CYP2C19: variants seen among roughly 807,000 people sequenced by gnomAD.
CYP2C19 encodes cytochrome P450 2C19.
A neutral mutation model predicts 40.9 loss-of-function variants in CYP2C19; 59 were observed. The ratio of observed to expected loss-of-function variants is 1.44; its 90% confidence interval spans 1.17 to 1.79. CYP2C19 has a LOEUF of 1.79. Among genes scored for constraint, CYP2C19 ranks in the 40% most tolerant of loss-of-function variants. The probability of loss-of-function intolerance (pLI) is 0.00; values close to 1 mark genes in which losing one functional copy is unlikely to be tolerated. For missense variants in CYP2C19, 754 were observed against 596.9 expected (o/e 1.26, Z -2.74); for synonymous variants, 253 against 208.7 (o/e 1.21, Z -1.83).
chr10:94,804,514 T>C (rs922727143), intron 5 of CYP2C19, among the ~76,000 whole-genome samples: 3 of 152,228 alleles, frequency 2.0e-5, no homozygotes, highest in Admixed American at 6.5e-5. Flanking sequence ...GGAAAATGTG[T>C]GCAGCTTTTC....
chr10:94,780,363 ACT>A, intron 3 of CYP2C19, 134 bp from the exon 4 acceptor site: 1 of 1,133,008 alleles, frequency 8.8e-7, no homozygotes, highest in Non-Finnish European at 1.2e-6. Flanking sequence ...TGCATGCCAA[ACT>A]CTTTTTTGCT....
chr10:94,799,339 C>G lies in CYP2C19; in HGVS notation c.819+17342C>G, dbSNP rs886860731. 2.4e-4 allele frequency among the ~76,000 whole-genome samples: 36 copies of G among 151,784 alleles called. No homozygotes were observed. In the East Asian group the frequency reaches 3.5e-3, roughly 15 times the overall value. The stretch of plus-strand genomic sequence containing the variant: ...AATGTCAAATATTGGCCCTCACTCT[C>G]TTTTGGCTTGTATGGTTTCTGCTGA... On this transcript the variant is annotated intron_variant, in intron 5 of 8. Coordinates refer to ENST00000371321, the MANE Select transcript of CYP2C19 (RefSeq NM_000769.4).
At chr10:94,801,208 A>T (rs1236130265) in intron 5 of CYP2C19, among the ~76,000 whole-genome samples, 1 of 152,158 alleles carries the variant, frequency 6.6e-6, no homozygotes, top group Non-Finnish European at 1.5e-5. Flanking sequence ...TAGATCTTTC[A>T]TGCTTTCTCT....
chr10:94,832,131 T>A (rs940423761), intron 6 of CYP2C19, among the ~76,000 whole-genome samples: 6 of 152,192 alleles, frequency 3.9e-5, no homozygotes, highest in Non-Finnish European at 8.8e-5. Flanking sequence ...GGATATTAAA[T>A]TTTCCCAGCA....
intron 1 of CYP2C19, among the ~76,000 whole-genome samples, chr10:94,763,620 T>C (rs1250897579): frequency 2.0e-5 from 3 of 151,914 alleles, no homozygotes; most frequent in Non-Finnish European, 4.4e-5. Flanking sequence ...ATAAGCATGA[T>C]GGTATGATCA....
chr10:94,835,111 T>A (rs1309723911), intron 6 of CYP2C19, among the ~76,000 whole-genome samples: 1 of 152,172 alleles, frequency 6.6e-6, no homozygotes, highest in Non-Finnish European at 1.5e-5. Flanking sequence ...GGGCTCCATT[T>A]GAAGAATGAT....
chr10:94,769,934 A>T (rs112542207), intron 1 of CYP2C19, among the ~76,000 whole-genome samples: 1,858 of 152,238 alleles, frequency 0.012, 55 homozygotes, highest in African/African-American at 0.043. Flanking sequence ...AGGGTGTGGG[A>T]CTTTCAGACA....
intron 5 of CYP2C19, among the ~76,000 whole-genome samples, chr10:94,782,435 G>A (rs564150687): frequency 3.9e-5 from 6 of 152,178 alleles, no homozygotes; most frequent in African/African-American, 1.2e-4. Context: ...AGTTAGAATG[G>A]CGATCATTAA....
chr10:94,852,657 C>A lies in CYP2C19; in HGVS notation c.1292-76C>A. ...CAGTTCTTGCATATTCTGTCTGTGC[C>A]AGTTATAGAGACAGTGTTTGTCACT... On this transcript the variant is annotated intron_variant, in intron 8 of 8. Coordinates refer to ENST00000371321, the MANE Select transcript of CYP2C19 (RefSeq NM_000769.4). 3 of 1,501,124 alleles carry A rather than the reference C, an allele frequency of 2.0e-6. No individual in the cohort carries two copies. In the South Asian group the frequency reaches 3.4e-5, roughly 17 times the overall value. 93.0% of individuals were successfully genotyped at this position (1,501,124 alleles called of 1,614,324 possible). A position where few individuals can be genotyped will look rare whatever the true frequency, so the allele number is the denominator to read the frequency against.
intron 3 of CYP2C19, 66 bp downstream of exon 3, chr10:94,775,605 A>G (rs2134236855): frequency 1.2e-6 from 2 of 1,612,752 alleles, no homozygotes; most frequent in Middle Eastern, 1.7e-4. Flanking sequence ...ACATTCTTGG[A>G]AACATTTCAG....
At chr10:94,800,730 T>C (rs78497745) in intron 5 of CYP2C19, among the ~76,000 whole-genome samples, 11,791 of 152,174 alleles carry the variant, frequency 0.077, 524 homozygotes, top group South Asian at 0.12. Flanking sequence ...CAATGGTGGA[T>C]GCCCCTTCCC....
chr10:94,822,124 GT>G (rs1260540388), intron 6 of CYP2C19, among the ~76,000 whole-genome samples: 2 of 151,978 alleles, frequency 1.3e-5, no homozygotes, highest in African/African-American at 4.8e-5. Flanking sequence ...CATGATTTTT[GT>G]TCTTTTTTAT....
rs184439973 is a variant in CYP2C19, at chr10:94,772,496, G to A, written c.169-2562G>A. ...TTGTCTGGCAGGCATTAGGACCCAG[G>A]AGGCAAGGGTCAGGATAGCTAGGAT... is the stretch of plus-strand genomic sequence containing the variant. On this transcript the variant is annotated intron_variant, in intron 1 of 8. Coordinates refer to ENST00000371321, the MANE Select transcript of CYP2C19 (RefSeq NM_000769.4). 6.9e-3 allele frequency among the ~76,000 whole-genome samples: 1,056 copies of A among 152,282 alleles called. 9 individuals carry two copies. The highest frequency in any genetic ancestry group is 0.017 in the Middle Eastern group (5 of 294).
rs1165077911 is a variant in CYP2C19, at chr10:94,853,548, T to TC, written c.*634_*635insC. Among the ~76,000 whole-genome samples the TC allele has an allele frequency of 3.2e-3, 3 of 928 alleles. No homozygotes were observed. In the East Asian group the frequency reaches 0.3, roughly 93 times the overall value. The allele number at this position is 928 out of a possible 152,430, so 0.6% of individuals were successfully genotyped here. On this transcript the variant is annotated 3_prime_UTR_variant, in exon 9 of 9. Transcript: ENST00000371321. ...ATTAAATGTTCCACATTGGTGTTCC[T>TC]TTTTTTTTTTTTTTTGAGACAATGT...
At chr10:94,795,060 T>C (rs1389431150) in intron 5 of CYP2C19, among the ~76,000 whole-genome samples, 3 of 151,736 alleles carry the variant, frequency 2.0e-5, no homozygotes, top group Admixed American at 1.3e-4. Flanking sequence ...AATGTGCAGG[T>C]TTGTTACATA....
intron 6 of CYP2C19, among the ~76,000 whole-genome samples, chr10:94,834,939 C>T (rs899466816): frequency 6.6e-6 from 1 of 152,098 alleles, no homozygotes; most frequent in African/African-American, 2.4e-5. Flanking sequence ...GGGAGGTTGG[C>T]CGACGACTGC....
chr10:94,822,565 A>T (rs973318194), intron 6 of CYP2C19, among the ~76,000 whole-genome samples: 3 of 152,058 alleles, frequency 2.0e-5, no homozygotes, highest in Admixed American at 2.0e-4. Flanking sequence ...GATAGAATGA[A>T]TTTTTTTGGG....
At position 94,854,563 on chromosome 10, in the gene CYP2C19, A is replaced by G. The variant is rs1256362726; in HGVS notation, c.*1649A>G. On this transcript the variant is annotated 3_prime_UTR_variant, in exon 9 of 9. Coordinates refer to ENST00000371321, the MANE Select transcript of CYP2C19 (RefSeq NM_000769.4). ...TAATTGATTATGCTTTTCACAGCTCATCTCCTAGAACAAGCTACTTACAAT... is the reference window on the plus strand; with the variant it reads ...TAATTGATTATGCTTTTCACAGCTCGTCTCCTAGAACAAGCTACTTACAAT... Among the ~76,000 whole-genome samples, 1 of 152,004 alleles carries G rather than the reference A, an allele frequency of 6.6e-6. No homozygotes were observed. The highest frequency in any genetic ancestry group is 2.4e-5 in the African/African-American group (1 of 41,394).
chr10:94,811,882 G>T (rs1232282114), intron 5 of CYP2C19, among the ~76,000 whole-genome samples: 1 of 152,024 alleles, frequency 6.6e-6, no homozygotes, highest in Non-Finnish European at 1.5e-5. Context: ...TACATTTAAG[G>T]TTAATATTGT....
Sources: gnomAD v4.1 joint callset for allele counts (sites outside exome capture counted in the v4.1 genomes callset) on GRCh38, gnomAD v4.1.1 for gene constraint, MANE v1.5 for transcripts, NCBI Gene and HGNC (gene_info 2026-07-23, HGNC 2026-07-21) for gene names.